Variants in SUGCT observed in about 807,000 individuals in gnomAD.
SUGCT encodes the protein succinyl-CoA:glutarate-CoA transferase, also known as succinyl-CoA:glutarate CoA-transferase.
Under a neutral mutation model 55.0 loss-of-function variants are expected in SUGCT, and 41 were observed. The observed-to-expected ratio is 0.74, with a 90% CI of 0.58 to 0.97. SUGCT has a LOEUF of 0.97. Ranked by LOEUF, SUGCT falls within the 50% of genes least tolerant of loss-of-function variation. The pLI is 0.00. For missense variants in SUGCT, 568 were observed against 547.8 expected (o/e 1.04, Z -0.37); for synonymous variants, 187 against 200.4 (o/e 0.93, Z 0.56).
At chr7:40,638,271 G>A (rs1800107246) in intron 12 of SUGCT, among the ~76,000 whole-genome samples, 1 of 152,176 alleles carries the variant, frequency 6.6e-6, no homozygotes, top group Admixed American at 6.5e-5. Flanking sequence ...GTGAATTCAA[G>A]TGGTTTATTT....
At chr7:40,213,085 CAA>C (rs1787434751) in intron 6 of SUGCT, among the ~76,000 whole-genome samples, 2 of 152,038 alleles carry the variant, frequency 1.3e-5, no homozygotes, top group South Asian at 4.1e-4. Flanking sequence ...TTATACTATA[CAA>C]GTCTTTCATA....
chr7:40,841,632 A>G (rs1584519560), intron 13 of SUGCT, among the ~76,000 whole-genome samples: 1 of 152,322 alleles, frequency 6.6e-6, no homozygotes, highest in East Asian at 1.9e-4. Context: ...CATCTCTGAC[A>G]TAGTTTCATT....
At chr7:40,616,607 C>T (rs907603095) in intron 12 of SUGCT, among the ~76,000 whole-genome samples, 1 of 152,184 alleles carries the variant, frequency 6.6e-6, no homozygotes, top group Non-Finnish European at 1.5e-5. Flanking sequence ...ACAAAGCAAA[C>T]TATTTTGGGG....
rs376709941 is a variant in SUGCT, at chr7:40,323,881, C to T, written c.816+7026C>T. Among the ~76,000 whole-genome samples the T allele has an allele frequency of 2.0e-3, 302 of 152,234 alleles. 12 individuals are homozygous for T. In the South Asian group the frequency reaches 0.059, roughly 30 times the overall value. Reference sequence around the variant, plus strand: ...TGGCCATCTCTCTCAAGTGGCCCCTCGGGCTTACCCAGAAATCCTGCCACC... The same window carrying T: ...TGGCCATCTCTCTCAAGTGGCCCCTTGGGCTTACCCAGAAATCCTGCCACC... On this transcript the variant is annotated intron_variant, in intron 9 of 13. Transcript: ENST00000335693.
At chr7:40,255,675 A>T (rs1258082087) in intron 7 of SUGCT, among the ~76,000 whole-genome samples, 2 of 151,108 alleles carry the variant, frequency 1.3e-5, no homozygotes, top group Non-Finnish European at 2.9e-5. Flanking sequence ...AAAAAAAAAA[A>T]AAAAAAAAAA....
chr7:40,232,664 C>T (rs978445350), intron 6 of SUGCT, among the ~76,000 whole-genome samples: 7 of 152,142 alleles, frequency 4.6e-5, no homozygotes, highest in South Asian at 2.1e-4. Flanking sequence ...AGCTTCCTCC[C>T]TGTACGTTTT....
chr7:40,449,390 T>A (rs755592528), intron 10 of SUGCT, 32 bp downstream of exon 10: 34 of 1,552,726 alleles, frequency 2.2e-5, no homozygotes, highest in Non-Finnish European at 2.9e-5. Context: ...TGGTCGATGA[T>A]TTTGTACAAA....
chr7:40,497,085 A>G (rs1220627609), intron 12 of SUGCT, among the ~76,000 whole-genome samples: 3 of 152,158 alleles, frequency 2.0e-5, no homozygotes, highest in African/African-American at 7.2e-5. Flanking sequence ...ACTACAAGCA[A>G]TTTACCATTT....
intron 12 of SUGCT, among the ~76,000 whole-genome samples, chr7:40,572,629 G>T (rs1380656895): frequency 1.3e-5 from 2 of 152,048 alleles, no homozygotes; most frequent in Non-Finnish European, 2.9e-5. Context: ...AAGCGTTTGG[G>T]GTAAATCCTT....
At chr7:41,032,349 C>G in the SUGCT span, among the ~76,000 whole-genome samples, 1 of 135,764 alleles carries the variant, frequency 7.4e-6, no homozygotes, top group Admixed American at 7.3e-5. Context: ...TTTTTTTTTT[C>G]TTTTTCAGTG....
At chr7:40,526,320 A>G (rs889933291) in intron 12 of SUGCT, among the ~76,000 whole-genome samples, 5 of 152,190 alleles carry the variant, frequency 3.3e-5, no homozygotes, top group Admixed American at 6.5e-5. Flanking sequence ...GCCATGAAGA[A>G]TGCTTTGCTC....
At chr7:40,453,101 T>C (rs953675893) in intron 10 of SUGCT, among the ~76,000 whole-genome samples, 26 of 152,218 alleles carry the variant, frequency 1.7e-4, no homozygotes, top group African/African-American at 6.0e-4. Flanking sequence ...CATGAAAAAG[T>C]GAGCTGTAAT....
At chr7:40,978,565 T>C in the SUGCT span, among the ~76,000 whole-genome samples, 1 of 152,074 alleles carries the variant, frequency 6.6e-6, no homozygotes, top group Non-Finnish European at 1.5e-5. Flanking sequence ...AATTTCATAA[T>C]GTATGAGGGC....
At chr7:40,719,172 C>A (rs1400641760) in intron 12 of SUGCT, among the ~76,000 whole-genome samples, 1 of 152,232 alleles carries the variant, frequency 6.6e-6, no homozygotes, top group Non-Finnish European at 1.5e-5. Context: ...TCCTTCAGGG[C>A]ATTGACTGTG....
intron 9 of SUGCT, among the ~76,000 whole-genome samples, chr7:40,393,344 G>A (rs1460279492): frequency 6.6e-6 from 1 of 152,078 alleles, no homozygotes; most frequent in Non-Finnish European, 1.5e-5. Flanking sequence ...GGTCTTATGA[G>A]ATAAGGGTTG....
At chr7:40,953,298 T>C in the SUGCT span, among the ~76,000 whole-genome samples, 17 of 152,374 alleles carry the variant, frequency 1.1e-4, no homozygotes, top group African/African-American at 4.1e-4. Flanking sequence ...GGTTTTCAGC[T>C]CCATCAGGTC....
At chr7:40,965,339 A>C in the SUGCT span, 1 of 152,228 alleles carries the variant, frequency 6.6e-6, no homozygotes, top group Admixed American at 6.5e-5. Flanking sequence ...CAGCAATGTA[A>C]GCCTATATGG....
At chr7:40,684,204 C>T in intron 12 of SUGCT, 2 of 1,503,034 alleles carry the variant, frequency 1.3e-6, no homozygotes, top group Non-Finnish European at 8.9e-7. Flanking sequence ...GATAATTTCT[C>T]CATATCAAGG....
chr7:40,352,784 G>C (rs1390091462), intron 9 of SUGCT, among the ~76,000 whole-genome samples: 3 of 152,088 alleles, frequency 2.0e-5, no homozygotes, highest in South Asian at 2.1e-4. Flanking sequence ...ATTCCTTTGG[G>C]TGTACACCTA....
Sources: allele counts gnomAD v4.1 joint callset (sites outside exome capture counted in the v4.1 genomes callset), GRCh38; gene constraint gnomAD v4.1.1; transcripts MANE v1.5; gene names NCBI Gene and HGNC (gene_info 2026-07-23, HGNC 2026-07-21).